The following KLF12 variants were observed in gnomAD, a reference collection of about 807,000 sequenced individuals.
KLF12 encodes the protein KLF transcription factor 12, also known as Krueppel-like factor 12.
A neutral mutation model predicts 37.8 loss-of-function variants in KLF12; 9 were observed. That is an observed-to-expected ratio of 0.24 (90% CI 0.14 to 0.42). The LOEUF (loss-of-function observed/expected upper bound fraction) is 0.42. KLF12 is among the 10% of genes least tolerant of loss of function. The pLI, the probability that KLF12 is intolerant of heterozygous loss-of-function variation, is 1.00. For missense variants in KLF12, 411 were observed against 516.0 expected (o/e 0.80, Z 1.97); for synonymous variants, 208 against 202.1 (o/e 1.03, Z -0.25).
chr13:74,104,922 G>GTACACTTCTCCTC (rs1876570968), intron 1 of KLF12, among the ~76,000 whole-genome samples: 1 of 152,126 alleles, frequency 6.6e-6, no homozygotes, highest in Non-Finnish European at 1.5e-5. Context: ...AAGTGGGCCT[G>GTACACTTCTCCTC]TACACTTCTC....
At chr13:73,862,466 C>T (rs1020734651) in intron 3 of KLF12, among the ~76,000 whole-genome samples, 1 of 152,048 alleles carries the variant, frequency 6.6e-6, no homozygotes, top group Non-Finnish European at 1.5e-5. Flanking sequence ...AATCCATGGC[C>T]TCAACTATTA....
chr13:74,269,863 C>A, the KLF12 span, among the ~76,000 whole-genome samples: 1 of 152,134 alleles, frequency 6.6e-6, no homozygotes, highest in Non-Finnish European at 1.5e-5. Flanking sequence ...GGAGAAGGGA[C>A]ACAAAGAATC....
At chr13:74,046,460 A>AT (rs568221192) in intron 1 of KLF12, among the ~76,000 whole-genome samples, 1 of 151,894 alleles carries the variant, frequency 6.6e-6, no homozygotes, top group African/African-American at 2.4e-5. Flanking sequence ...ATAGGCTTTC[A>AT]TTTTTTTCAC....
the KLF12 span, among the ~76,000 whole-genome samples, chr13:74,292,195 C>T: frequency 2.0e-5 from 3 of 152,172 alleles, no homozygotes; most frequent in African/African-American, 7.2e-5. Flanking sequence ...GATTCAAGAG[C>T]TCTCTCTCTA....
intron 1 of KLF12, among the ~76,000 whole-genome samples, chr13:74,016,262 A>G (rs558452369): frequency 3.5e-4 from 54 of 152,346 alleles, no homozygotes; most frequent in African/African-American, 1.3e-3. Flanking sequence ...GAAAATGCAC[A>G]TTAAAACCAC....
chr13:74,190,998 A>G, the KLF12 span, among the ~76,000 whole-genome samples: 1 of 152,204 alleles, frequency 6.6e-6, no homozygotes, highest in African/African-American at 2.4e-5. Context: ...GACCTCTGGA[A>G]GCATAGGGCA....
intron 6 of KLF12, among the ~76,000 whole-genome samples, chr13:73,760,286 A>G (rs528507394): frequency 1.3e-5 from 2 of 152,168 alleles, no homozygotes; most frequent in African/African-American, 4.8e-5. Context: ...GGTTAGAGAA[A>G]ACTACAAAAT....
chr13:73,892,859 T>C (rs2139030471), intron 3 of KLF12, among the ~76,000 whole-genome samples: 1 of 152,274 alleles, frequency 6.6e-6, no homozygotes, highest in South Asian at 2.1e-4. Context: ...TAGAGGTGGG[T>C]AGGGTGAAGC....
intron 1 of KLF12, among the ~76,000 whole-genome samples, chr13:73,995,849 A>G (rs1298172247): frequency 6.6e-6 from 1 of 152,120 alleles, no homozygotes; most frequent in East Asian, 1.9e-4. Context: ...CAGAATTTCC[A>G]TTTCATGAGG....
intron 3 of KLF12, among the ~76,000 whole-genome samples, chr13:73,879,897 T>C (rs915720966): frequency 6.6e-6 from 1 of 152,178 alleles, no homozygotes; most frequent in Non-Finnish European, 1.5e-5. Flanking sequence ...CTAAATAAAA[T>C]ACTTACTCTT....
intron 6 of KLF12, among the ~76,000 whole-genome samples, chr13:73,726,611 C>T (rs1441998646): frequency 6.6e-6 from 1 of 152,218 alleles, no homozygotes; most frequent in East Asian, 1.9e-4. Flanking sequence ...ATCAATACTT[C>T]ACTCATTTTA....
intron 1 of KLF12, among the ~76,000 whole-genome samples, chr13:74,026,967 C>T (rs1415998017): frequency 2.6e-5 from 4 of 151,962 alleles, no homozygotes; most frequent in African/African-American, 9.7e-5. Context: ...TGGTTTCTAA[C>T]AGGAAATGGT....
chr13:73,875,889 C>G (rs749591007), intron 3 of KLF12, among the ~76,000 whole-genome samples: 4 of 152,120 alleles, frequency 2.6e-5, no homozygotes, highest in Non-Finnish European at 4.4e-5. Flanking sequence ...GGCTGTATTT[C>G]CAGGGCAAAT....
intron 1 of KLF12, among the ~76,000 whole-genome samples, chr13:74,115,415 A>AT (rs1877235645): frequency 6.6e-6 from 1 of 152,176 alleles, no homozygotes; most frequent in Non-Finnish European, 1.5e-5. Context: ...CTAGAAAAGA[A>AT]TCTTTTCCAC....
chr13:73,973,774 A>C (rs540599765), intron 2 of KLF12, among the ~76,000 whole-genome samples: 2 of 152,306 alleles, frequency 1.3e-5, no homozygotes, highest in East Asian at 3.9e-4. Context: ...AAGCATGCAA[A>C]GGAGGAAAAA....
At chr13:74,250,549 G>C in the KLF12 span, among the ~76,000 whole-genome samples, 5 of 152,172 alleles carry the variant, frequency 3.3e-5, no homozygotes, top group Admixed American at 3.3e-4. Context: ...CCTTAGGGAA[G>C]GGTAGGGGCA....
intron 4 of KLF12, among the ~76,000 whole-genome samples, chr13:73,816,002 T>C (rs1302451788): frequency 6.6e-6 from 1 of 152,244 alleles, no homozygotes; most frequent in Non-Finnish European, 1.5e-5. Flanking sequence ...AGGATTTCTT[T>C]CCAATATTTT....
At chr13:73,913,401 G>A (rs759999065) in intron 3 of KLF12, among the ~76,000 whole-genome samples, 6 of 152,204 alleles carry the variant, frequency 3.9e-5, no homozygotes, top group Non-Finnish European at 7.3e-5. Context: ...TAGTCCTCGG[G>A]TTTGCCATAA....
At chr13:74,266,078 T>TA in the KLF12 span, among the ~76,000 whole-genome samples, 2 of 152,166 alleles carry the variant, frequency 1.3e-5, no homozygotes, top group African/African-American at 2.4e-5. Context: ...GTCTCCTCAC[T>TA]AACTCATATC....
Sources: gnomAD v4.1 joint callset for allele counts (sites outside exome capture counted in the v4.1 genomes callset) on GRCh38, gnomAD v4.1.1 for gene constraint, MANE v1.5 for transcripts, NCBI Gene and HGNC (gene_info 2026-07-23, HGNC 2026-07-21) for gene names.